The following KCNH1 variants were observed in gnomAD, a reference collection of about 807,000 sequenced individuals.
KCNH1 encodes the protein voltage-gated delayed rectifier potassium channel KCNH1.
Under a neutral mutation model 69.2 loss-of-function variants are expected in KCNH1, and 27 were observed. The ratio of observed to expected loss-of-function variants is 0.39; its 90% CI spans 0.29 to 0.54. The LOEUF is 0.54. Ranked by LOEUF, KCNH1 falls within the 20% of genes least tolerant of loss-of-function variation. The pLI, the probability that KCNH1 is intolerant of heterozygous loss-of-function variation, is 0.68. For synonymous variants in KCNH1, 456 were observed against 487.7 expected, an observed-to-expected ratio of 0.93 and a Z score of 0.86; for missense variants, 798 against 1,261.6, an observed-to-expected ratio of 0.63 and a Z score of 5.57.
chr1:210,994,778 C>A (rs1441730051), intron 6 of KCNH1, among the ~76,000 whole-genome samples: 1 of 152,138 alleles, frequency 6.6e-6, no homozygotes, highest in East Asian at 1.9e-4. Flanking sequence ...GTGCAGCACA[C>A]CAGTTGAAAG....
chr1:210,750,420 C>T (rs1008993540), intron 10 of KCNH1, among the ~76,000 whole-genome samples: 9 of 152,074 alleles, frequency 5.9e-5, no homozygotes, highest in African/African-American at 2.2e-4. Flanking sequence ...GCATCGAAAA[C>T]ATTTAAAGGC....
chr1:210,998,262 A>G (rs1188556556), intron 6 of KCNH1, among the ~76,000 whole-genome samples: 1 of 152,212 alleles, frequency 6.6e-6, no homozygotes, highest in East Asian at 1.9e-4. Context: ...GTATTCAGGA[A>G]ACACATCTCA....
At chr1:211,033,572 T>C (rs1689834396) in intron 5 of KCNH1, among the ~76,000 whole-genome samples, 1 of 152,184 alleles carries the variant, frequency 6.6e-6, no homozygotes, top group Non-Finnish European at 1.5e-5. Context: ...CACCACGGAA[T>C]ACTATGCAGC....
chr1:210,701,037 A>G (rs1450811982), intron 10 of KCNH1, among the ~76,000 whole-genome samples: 1 of 152,060 alleles, frequency 6.6e-6, no homozygotes, highest in East Asian at 1.9e-4. Flanking sequence ...TCCCGGGTTC[A>G]CGCCACTCTC....
intron 7 of KCNH1, among the ~76,000 whole-genome samples, chr1:210,851,577 A>G (rs1685703096): frequency 6.6e-6 from 1 of 152,214 alleles, no homozygotes; most frequent in African/African-American, 2.4e-5. Context: ...ACTTAACAAT[A>G]AGACACAGTT....
intron 5 of KCNH1, among the ~76,000 whole-genome samples, chr1:211,050,902 T>C (rs754909719): frequency 4.2e-4 from 64 of 152,366 alleles, no homozygotes; most frequent in Middle Eastern, 3.4e-3. Flanking sequence ...ATTCATTCAA[T>C]GAACATTTAT....
At chr1:211,064,356 C>T (rs557629256) in intron 5 of KCNH1, among the ~76,000 whole-genome samples, 30 of 152,230 alleles carry the variant, frequency 2.0e-4, no homozygotes, top group African/African-American at 6.5e-4. Flanking sequence ...GTCAGGAGAT[C>T]GAGACCAGCC....
intron 5 of KCNH1, 79 bp downstream of exon 5, chr1:211,082,701 A>C: frequency 9.0e-7 from 1 of 1,105,856 alleles, no homozygotes; most frequent in Non-Finnish European, 1.3e-6. Context: ...CATGATTAGC[A>C]CACTAGTTTT....
intron 5 of KCNH1, among the ~76,000 whole-genome samples, chr1:211,070,275 G>A (rs188140939): frequency 2.0e-5 from 3 of 151,826 alleles, no homozygotes; most frequent in East Asian, 2.0e-4. Context: ...AAAATAAGCC[G>A]GGCGTAGTGG....
chr1:210,725,565 G>T (rs1306771356), intron 10 of KCNH1, among the ~76,000 whole-genome samples: 1 of 152,114 alleles, frequency 6.6e-6, no homozygotes, highest in Non-Finnish European at 1.5e-5. Context: ...AAGCCCTCTT[G>T]GACAAGAAGA....
At chr1:210,833,977 A>G (rs1307414632) in intron 7 of KCNH1, among the ~76,000 whole-genome samples, 2 of 152,362 alleles carry the variant, frequency 1.3e-5, no homozygotes, top group African/African-American at 4.8e-5. Flanking sequence ...AGTCAAAACC[A>G]CAATGAGATA....
chr1:210,683,879 C>G lies in KCNH1; in HGVS notation c.2372G>C (p.Arg791Pro), dbSNP rs139318016. 1 of 1,614,080 alleles carries G rather than the reference C, an allele frequency of 6.2e-7. No individual in the cohort carries two copies. Among genetic ancestry groups the G allele is most frequent in the Non-Finnish European group, 8.5e-7 (1 of 1,179,958 alleles). The change falls in exon 11 of 11, where the codon CGT (arginine) becomes CCT (proline). Residue 791 changes from arginine (R) to proline (P), a missense_variant. Arg to Pro is a moderately radical substitution (Grantham distance 103). Coordinates refer to ENST00000271751, the MANE Select transcript of KCNH1 (RefSeq NM_172362.3). This position sits in a 1 kb window ranked among gnomAD's most constrained non-coding sequence, Gnocchi z 5.7. The stretch of plus-strand genomic sequence containing the variant: ...GGATACGGGCGTGGCAGGACTCTCA[C>G]GCACGGTGACCACGCTGGCCTTCAC... ...SLVKASVVTV[R>P]ESPATPVSFQ... is the part of the protein sequence containing the mutation.
chr1:210,824,940 A>G (rs1685004519), intron 7 of KCNH1, among the ~76,000 whole-genome samples: 1 of 152,350 alleles, frequency 6.6e-6, no homozygotes, highest in Admixed American at 6.5e-5. Flanking sequence ...TTTATTAAGC[A>G]TTTTAAAAAT....
chr1:210,898,877 A>G (rs1686930805), intron 7 of KCNH1, among the ~76,000 whole-genome samples: 2 of 152,226 alleles, frequency 1.3e-5, no homozygotes, highest in African/African-American at 4.8e-5. Context: ...CAAATAGAGA[A>G]GCTAAGCTGA....
chr1:210,881,253 T>G (rs1686488673), intron 7 of KCNH1, among the ~76,000 whole-genome samples: 1 of 152,176 alleles, frequency 6.6e-6, no homozygotes, highest in African/African-American at 2.4e-5. Flanking sequence ...TCTGCCCACC[T>G]TGGCTTCCCA....
At chr1:210,953,484 T>C (rs1446603223) in intron 6 of KCNH1, among the ~76,000 whole-genome samples, 1 of 152,230 alleles carries the variant, frequency 6.6e-6, no homozygotes, top group Non-Finnish European at 1.5e-5. Context: ...GAAAACTCTC[T>C]CTTGGTTTTG....
chr1:211,016,674 C>T (rs566383839), intron 6 of KCNH1, among the ~76,000 whole-genome samples: 90 of 151,838 alleles, frequency 5.9e-4, no homozygotes, highest in African/African-American at 2.1e-3. Context: ...TTTAGGAGGC[C>T]GAGGCAGGCA....
At chr1:210,934,459 C>T (rs1297866726) in intron 6 of KCNH1, among the ~76,000 whole-genome samples, 1 of 152,152 alleles carries the variant, frequency 6.6e-6, no homozygotes, top group African/African-American at 2.4e-5. Flanking sequence ...TCCAGACCAG[C>T]CTGGCCAATA....
Position 211,041,497 on chromosome 1 carries a change from A to G in KCNH1, c.559-22241T>C, listed in dbSNP as rs188507058. Among the ~76,000 whole-genome samples, 38 of 152,314 alleles carry G rather than the reference A, an allele frequency of 2.5e-4. 1 individual carries two copies. In the East Asian group the frequency reaches 7.1e-3, roughly 29 times the overall value. ...CTTCTACAACTATATTCAATGTACC[A>G]TCCTGTCTCACAACAGCATGGCAGC... On this transcript the variant is annotated intron_variant, in intron 5 of 10. Transcript: ENST00000271751.
Sources: gnomAD v4.1 joint callset for allele counts (sites outside exome capture counted in the v4.1 genomes callset) on GRCh38, gnomAD v4.1.1 for gene constraint, Gnocchi (gnomAD v3.1) non-coding constraint, MANE v1.5 for transcripts, NCBI Gene and HGNC (gene_info 2026-07-23, HGNC 2026-07-21) for gene names.